The following CDK5RAP2 variants were observed in gnomAD, a reference collection of about 807,000 sequenced individuals.
CDK5RAP2 encodes the protein CDK5 regulatory subunit-associated protein 2.
A neutral mutation model predicts 232.9 loss-of-function variants in CDK5RAP2; 147 were observed. That is an observed-to-expected ratio of 0.63 (90% CI 0.55 to 0.72). The LOEUF is 0.72. Ranked by LOEUF, CDK5RAP2 falls within the 30% of genes least tolerant of loss-of-function variation. CDK5RAP2 has a pLI of 0.00. For synonymous variants in CDK5RAP2, 833 were observed against 833.7 expected, an observed-to-expected ratio of 1.00 and a Z score of 0.01; for missense variants, 2,195 against 2,231.5, an observed-to-expected ratio of 0.98 and a Z score of 0.33.
chr9:120,547,232 C>T (rs910179957), intron 4 of CDK5RAP2, among the ~76,000 whole-genome samples: 4 of 151,994 alleles, frequency 2.6e-5, no homozygotes, highest in South Asian at 2.1e-4. Flanking sequence ...TCAAGTGATC[C>T]GCCTGCCTTG....
Position 120,403,120 on chromosome 9 carries a change from CG to C in CDK5RAP2, c.5042-50del, listed in dbSNP as rs769171564. 5.7e-6 allele frequency: 9 copies of C among 1,591,096 alleles called. No homozygotes were observed. Among genetic ancestry groups the C allele is most frequent in the South Asian group, 1.1e-5 (1 of 90,398 alleles). On this transcript the variant is annotated intron_variant, in intron 33 of 37. Coordinates refer to ENST00000349780, the MANE Select transcript of CDK5RAP2 (RefSeq NM_018249.6). This position sits in a 1 kb window ranked among gnomAD's most constrained non-coding sequence, Gnocchi z 4.2. ...AAAATCTGTTTCAGGTAACACTCTG[CG>C]TTCAAGACGCTTATGATGTTGAAGC...
At chr9:120,426,404 G>A (rs538444091) in intron 25 of CDK5RAP2, among the ~76,000 whole-genome samples, 1 of 152,306 alleles carries the variant, frequency 6.6e-6, no homozygotes, top group East Asian at 1.9e-4. Flanking sequence ...CGGAAAGGCA[G>A]GACAACTCAA....
At chr9:120,491,647 T>C (rs1228178732) in intron 12 of CDK5RAP2, among the ~76,000 whole-genome samples, 170 bp from the exon 13 acceptor site, 1 of 152,196 alleles carries the variant, frequency 6.6e-6, no homozygotes, top group Non-Finnish European at 1.5e-5. Context: ...AAAACCACTA[T>C]AAGAATAATC....
intron 32 of CDK5RAP2, 109 bp downstream of exon 32, chr9:120,406,903 C>T (rs1246793810): frequency 8.4e-6 from 7 of 833,356 alleles, no homozygotes; most frequent in Non-Finnish European, 1.4e-5. Flanking sequence ...TGTCAGCTAT[C>T]AATGGAAAGA....
intron 3 of CDK5RAP2, among the ~76,000 whole-genome samples, chr9:120,556,553 C>G (rs1353677168): frequency 6.6e-6 from 1 of 152,006 alleles, no homozygotes; most frequent in Admixed American, 6.5e-5. Context: ...CTCAGTCTCC[C>G]AAGTAGCTGG....
chr9:120,470,243 AGGTGGGGAGGGGGAGGAG>A, intron 16 of CDK5RAP2, 23 bp from the exon 17 acceptor site: 1 of 1,165,350 alleles, frequency 8.6e-7, no homozygotes, highest in Non-Finnish European at 1.2e-6. Flanking sequence ...GAAAAAAAAA[AGGTGGGGAGGGGGAGGAG>A]AAAAAGAATA....
chr9:120,412,090 G>A (rs1360934139), intron 28 of CDK5RAP2, among the ~76,000 whole-genome samples: 1 of 152,144 alleles, frequency 6.6e-6, no homozygotes, highest in Non-Finnish European at 1.5e-5. Flanking sequence ...CGGCTGTTCT[G>A]CCAATGGGGT....
chr9:120,432,285 C>A (rs970836413), intron 25 of CDK5RAP2, among the ~76,000 whole-genome samples: 6 of 152,140 alleles, frequency 3.9e-5, no homozygotes, highest in African/African-American at 1.4e-4. Flanking sequence ...TGCAAACAGT[C>A]CCATTTCCAT....
At chr9:120,438,999 T>C (rs891401975) in intron 24 of CDK5RAP2, among the ~76,000 whole-genome samples, 3 of 152,188 alleles carry the variant, frequency 2.0e-5, no homozygotes, top group Non-Finnish European at 2.9e-5. Flanking sequence ...CTACCTTGCC[T>C]AGACATCAGT....
At chr9:120,462,114 C>T (rs1473939782) in intron 18 of CDK5RAP2, among the ~76,000 whole-genome samples, 1 of 152,148 alleles carries the variant, frequency 6.6e-6, no homozygotes, top group Non-Finnish European at 1.5e-5. Context: ...AGAACATGTT[C>T]AATCTGACCA....
rs144242614 is a variant in CDK5RAP2 at position 120,524,644 on chromosome 9, A to G, written c.1092+342T>C. On this transcript the variant is annotated intron_variant, in intron 11 of 37. Coordinates refer to ENST00000349780, the MANE Select transcript of CDK5RAP2 (RefSeq NM_018249.6). ...CAGAGGGGGACTCTGTCTTAAAAAA[A>G]AAAAAAAATTTAAAAACACAAGAGG... Among the ~76,000 whole-genome samples the G allele has an allele frequency of 3.9e-5, 6 of 152,276 alleles. 1 individual carries two copies. The highest frequency in any genetic ancestry group is 1.4e-4 in the African/African-American group (6 of 41,546).
intron 28 of CDK5RAP2, among the ~76,000 whole-genome samples, chr9:120,414,479 A>C (rs2034084434): frequency 6.6e-6 from 1 of 152,238 alleles, no homozygotes; most frequent in South Asian, 2.1e-4. Flanking sequence ...TGGGATGAAG[A>C]GAAGAGTAAG....
At chr9:120,491,985 A>G (rs1161004824) in intron 12 of CDK5RAP2, among the ~76,000 whole-genome samples, 2 of 152,170 alleles carry the variant, frequency 1.3e-5, no homozygotes, top group African/African-American at 4.8e-5. Context: ...ACAATTTCTA[A>G]ATAATCCTGT....
Position 120,447,941 on chromosome 9 carries a change from T to C in CDK5RAP2, c.2979A>G (p.Glu993=), listed in dbSNP as rs769983123. The C allele has an allele frequency of 6.2e-7, 1 of 1,614,210 alleles. No homozygotes were observed. The highest frequency in any genetic ancestry group is 1.1e-5 in the South Asian group (1 of 91,084). ...KQLHQKLILA[E]AVMEGRPTPD... is the part of the protein sequence containing the mutation. ...GCGTTGGCCTCCCCTCCATCACTGC[T>C]TCAGCCAGAATTAACTTTTGGTGAA... Residue 993 remains glutamate (E), a synonymous_variant, in exon 22 of 38, where the codon GAA becomes GAG. Coordinates refer to ENST00000349780, the MANE Select transcript of CDK5RAP2 (RefSeq NM_018249.6).
chr9:120,563,154 G>A lies in CDK5RAP2; in HGVS notation c.195+5167C>T, dbSNP rs150691649. On this transcript the variant is annotated intron_variant, in intron 3 of 37. Coordinates refer to ENST00000349780, the MANE Select transcript of CDK5RAP2 (RefSeq NM_018249.6). ...TCTCTAACAAGGCCACATTCAAGTT[G>A]AGGCAAGAAGGTCCAGGGGCCTGCC... Among the ~76,000 whole-genome samples, 1,017 of 152,262 alleles carry A rather than the reference G, an allele frequency of 6.7e-3. 12 individuals carry two copies. The highest frequency in any genetic ancestry group is 0.023 in the African/African-American group (971 of 41,544).
chr9:120,520,773 G>GATATCTCATGAGATATATCTCAT (rs1159480140), intron 11 of CDK5RAP2, among the ~76,000 whole-genome samples: 41 of 64,426 alleles, frequency 6.4e-4, no homozygotes, highest in Middle Eastern at 0.013. Flanking sequence ...ATATATCTCA[G>GATATCTCATGAGATATATCTCAT]ATATCTCATG....
intron 27 of CDK5RAP2, 143 bp downstream of exon 27, chr9:120,419,645 G>A (rs1340006874): frequency 1.4e-6 from 1 of 738,206 alleles, no homozygotes; most frequent in Non-Finnish European, 2.5e-6. Context: ...AGGATACTCT[G>A]AATGACCAGC....
chr9:120,484,102 T>C (rs2038464989), intron 14 of CDK5RAP2, among the ~76,000 whole-genome samples: 1 of 152,228 alleles, frequency 6.6e-6, no homozygotes, highest in Admixed American at 6.5e-5. Context: ...CTAGCATTGA[T>C]TCTCAGGATC....
intron 25 of CDK5RAP2, among the ~76,000 whole-genome samples, chr9:120,426,803 G>T (rs1194587694): frequency 6.6e-6 from 1 of 152,200 alleles, no homozygotes; most frequent in Non-Finnish European, 1.5e-5. Context: ...CCTGCAATCT[G>T]TCATGTGATG....
Sources: allele counts gnomAD v4.1 joint callset (sites outside exome capture counted in the v4.1 genomes callset), GRCh38; gene constraint gnomAD v4.1.1; non-coding constraint Gnocchi (gnomAD v3.1); transcripts MANE v1.5; gene names NCBI Gene and HGNC (gene_info 2026-07-23, HGNC 2026-07-21).